The following METTL16 variants were observed in gnomAD, a reference collection of about 807,000 sequenced individuals.
METTL16 encodes RNA N(6)-adenosine-methyltransferase METTL16.
In METTL16, 19 loss-of-function variants were observed where a neutral mutation model predicts 57.9. That is an observed-to-expected ratio of 0.33 (90% CI 0.23 to 0.48). The LOEUF is 0.48. METTL16 is among the 20% of genes least tolerant of loss of function. The pLI, the probability that METTL16 is intolerant of heterozygous loss-of-function variation, is 0.99. For missense variants in METTL16, 434 were observed against 691.5 expected, an observed-to-expected ratio of 0.63 and a Z score of 4.18; for synonymous variants, 246 against 255.6, an observed-to-expected ratio of 0.96 and a Z score of 0.36.
chr17:2,498,920 A>C (rs2067466808), intron 2 of METTL16, among the ~76,000 whole-genome samples: 1 of 151,410 alleles, frequency 6.6e-6, no homozygotes, highest in Non-Finnish European at 1.5e-5. Context: ...GCCACGCTTC[A>C]CTTCTTCAGT....
At chr17:2,505,545 G>A (rs1031528432) in intron 1 of METTL16, among the ~76,000 whole-genome samples, 6 of 151,278 alleles carry the variant, frequency 4.0e-5, no homozygotes, top group Non-Finnish European at 7.4e-5. Flanking sequence ...CACCACGCCC[G>A]GCCAGAACAG....
At chr17:2,489,731 T>TAAAAAAAAAAA (rs2067371055) in intron 2 of METTL16, among the ~76,000 whole-genome samples, 1 of 1,320 alleles carries the variant, frequency 7.6e-4, no homozygotes, top group African/African-American at 5.3e-3. Flanking sequence ...AGAGCGAGAC[T>TAAAAAAAAAAA]CAAAAAAAAA....
intron 5 of METTL16, 116 bp downstream of exon 5, chr17:2,467,645 C>G (rs1230459006): frequency 1.4e-6 from 1 of 700,650 alleles, no homozygotes; most frequent in Non-Finnish European, 2.5e-6. Flanking sequence ...CCAGGCTGGT[C>G]TCAAACTCCT....
chr17:2,449,533 A>AAAAAACC (rs2067053021), intron 6 of METTL16, among the ~76,000 whole-genome samples: 1 of 149,534 alleles, frequency 6.7e-6, no homozygotes, highest in African/African-American at 2.5e-5. Context: ...AACAAAAAAC[A>AAAAAACC]AACAAAAAAA....
intron 8 of METTL16, among the ~76,000 whole-genome samples, chr17:2,437,104 A>C (rs2066914443): frequency 6.6e-6 from 1 of 151,748 alleles, no homozygotes; most frequent in African/African-American, 2.4e-5. Flanking sequence ...CTGGTTTCGA[A>C]CTCCTGAGTT....
At chr17:2,448,794 ATAAAAT>A in intron 6 of METTL16, among the ~76,000 whole-genome samples, 1 of 91,006 alleles carries the variant, frequency 1.1e-5, no homozygotes, top group Non-Finnish European at 2.0e-5. Flanking sequence ...AAAAATAAAA[ATAAAAT>A]TTAAAAAAAA....
intron 8 of METTL16, among the ~76,000 whole-genome samples, chr17:2,422,666 A>G (rs1164847833): frequency 2.0e-5 from 3 of 151,382 alleles, no homozygotes; most frequent in African/African-American, 7.3e-5. Flanking sequence ...CACCGTGTCC[A>G]GCCTGAGAAT....
At chr17:2,422,077 C>T (rs1323495965) in intron 8 of METTL16, among the ~76,000 whole-genome samples, 4 of 152,042 alleles carry the variant, frequency 2.6e-5, no homozygotes, top group African/African-American at 7.2e-5. Flanking sequence ...TCTGGGAGGC[C>T]GAAGCAGGCA....
intron 4 of METTL16, among the ~76,000 whole-genome samples, chr17:2,471,617 G>A (rs866985668): frequency 2.1e-4 from 32 of 151,936 alleles, no homozygotes; most frequent in Middle Eastern, 6.8e-3. Context: ...GTGAAACCCC[G>A]TCTCTACTGA....
At chr17:2,423,476 G>A (rs1299063067) in intron 8 of METTL16, among the ~76,000 whole-genome samples, 1 of 152,136 alleles carries the variant, frequency 6.6e-6, no homozygotes, top group Non-Finnish European at 1.5e-5. Flanking sequence ...TCTACTGAGA[G>A]CCTAACGCTT....
At chr17:2,509,166 T>C (rs966547259) in intron 1 of METTL16, among the ~76,000 whole-genome samples, 7 of 152,196 alleles carry the variant, frequency 4.6e-5, no homozygotes, top group African/African-American at 1.2e-4. Flanking sequence ...ATGTCACACA[T>C]AGACCTGCAA....
At chr17:2,471,691 G>A (rs1236334796) in intron 4 of METTL16, among the ~76,000 whole-genome samples, 2 of 151,946 alleles carry the variant, frequency 1.3e-5, no homozygotes, top group Admixed American at 6.6e-5. Context: ...CGGGAGGTGA[G>A]GCAGGAGAAT....
intron 7 of METTL16, among the ~76,000 whole-genome samples, chr17:2,439,930 T>TA: frequency 6.6e-6 from 1 of 152,344 alleles, no homozygotes; most frequent in Admixed American, 6.5e-5. Flanking sequence ...GTCACGCCTG[T>TA]AATCCCAGCA....
chr17:2,441,097 C>G (rs895876209), intron 7 of METTL16, among the ~76,000 whole-genome samples: 7 of 150,106 alleles, frequency 4.7e-5, no homozygotes, highest in Admixed American at 3.3e-4. Context: ...ATGCAGTATA[C>G]ATACACAATG....
chr17:2,459,799 C>G (rs568957775), intron 6 of METTL16: 2 of 152,054 alleles, frequency 1.3e-5, no homozygotes, highest in African/African-American at 4.8e-5. Context: ...GTCAGGAGTT[C>G]GAGACCAGCC....
At chr17:2,473,383 G>T in intron 4 of METTL16, 141 bp downstream of exon 4, 2 of 790,446 alleles carry the variant, frequency 2.5e-6, no homozygotes, top group Non-Finnish European at 3.8e-6. Context: ...CTGGTATCAA[G>T]ACAGCAAACC....
chr17:2,506,742 C>G (rs973036337), intron 1 of METTL16, among the ~76,000 whole-genome samples: 2 of 151,954 alleles, frequency 1.3e-5, no homozygotes, highest in Admixed American at 6.6e-5. Flanking sequence ...TCTGCCTGGC[C>G]GCCCATCATC....
intron 6 of METTL16, among the ~76,000 whole-genome samples, chr17:2,459,740 G>A (rs1261018939): frequency 6.6e-6 from 1 of 152,176 alleles, no homozygotes; most frequent in Non-Finnish European, 1.5e-5. Flanking sequence ...AGTGGCTCAT[G>A]CCTTTCATCC....
intron 8 of METTL16, among the ~76,000 whole-genome samples, chr17:2,431,998 G>A (rs2066876920): frequency 6.6e-6 from 1 of 151,962 alleles, no homozygotes. Flanking sequence ...AGGCTGGAGT[G>A]CAGTGGCACG....
Sources: allele counts gnomAD v4.1 joint callset (sites outside exome capture counted in the v4.1 genomes callset), GRCh38; gene constraint gnomAD v4.1.1; transcripts MANE v1.5; gene names NCBI Gene and HGNC (gene_info 2026-07-23, HGNC 2026-07-21).